CDYL: variants seen among roughly 807,000 people sequenced by gnomAD.
The protein encoded by CDYL is chromodomain Y-like protein.
In CDYL, 8 loss-of-function variants were observed where a neutral mutation model predicts 47.3. That is an observed-to-expected ratio of 0.17 (90% confidence interval 0.10 to 0.31). The LOEUF is 0.31. Among genes scored for constraint, CDYL ranks in the 10% least tolerant of loss-of-function variants. The pLI is 1.00. For synonymous variants in CDYL, 266 were observed against 265.0 expected (o/e 1.00, Z -0.04); for missense variants, 471 against 701.4 (o/e 0.67, Z 3.71).
intron 1 of CDYL, 46 bp downstream of exon 1, chr6:4,776,853 C>G (rs1758470796): frequency 1.3e-6 from 1 of 758,060 alleles, no homozygotes. Context: ...GCCCGCCGCC[C>G]CTCCCGGCCC....
chr6:4,895,041 CTATA>C (rs1021134116), intron 2 of CDYL, among the ~76,000 whole-genome samples: 23 of 149,034 alleles, frequency 1.5e-4, no homozygotes, highest in Admixed American at 4.7e-4. Flanking sequence ...ATATATGTAT[CTATA>C]TACACATGTA....
intron 2 of CDYL, among the ~76,000 whole-genome samples, chr6:4,893,883 C>T (rs1022137577): frequency 1.3e-5 from 2 of 152,222 alleles, no homozygotes; most frequent in African/African-American, 4.8e-5. Flanking sequence ...GTTTTCTCCT[C>T]GGCCCAGGCC....
chr6:4,800,855 T>C (rs1274779603), intron 1 of CDYL, among the ~76,000 whole-genome samples: 1 of 152,210 alleles, frequency 6.6e-6, no homozygotes, highest in Non-Finnish European at 1.5e-5. Flanking sequence ...CTGGCTGCTT[T>C]CAAGATTTTG....
In CDYL at chr6:4,883,466, C is replaced by T. The variant is rs529531413; in HGVS notation, c.25-8247C>T. ...CAGAAGCAGCAGGGGATGGTGCCAG[C>T]GCCTGCACCTGCCACACAGAACACC... On this transcript the variant is annotated intron_variant, in intron 1 of 6. Coordinates refer to ENST00000397588, the MANE Select transcript of CDYL (RefSeq NM_004824.4). Among the ~76,000 whole-genome samples the T allele has an allele frequency of 9.2e-5, 14 of 152,308 alleles. No homozygotes were observed. In the East Asian group the frequency reaches 1.7e-3, roughly 19 times the overall value.
intron 1 of CDYL, among the ~76,000 whole-genome samples, chr6:4,787,075 CT>C (rs1234150956): frequency 1.3e-5 from 2 of 152,228 alleles, no homozygotes; most frequent in Non-Finnish European, 2.9e-5. Flanking sequence ...TCTCAACTGT[CT>C]TACACCCCAG....
intron 1 of CDYL, among the ~76,000 whole-genome samples, chr6:4,828,197 C>G (rs1013207883): frequency 6.9e-6 from 1 of 145,610 alleles, no homozygotes; most frequent in Non-Finnish European, 1.5e-5. Flanking sequence ...CCCTCAGTTT[C>G]AACGTTAGTT....
At chr6:4,841,577 T>G (rs1169222081) in intron 1 of CDYL, among the ~76,000 whole-genome samples, 1 of 152,132 alleles carries the variant, frequency 6.6e-6, no homozygotes, top group Non-Finnish European at 1.5e-5. Context: ...TCCCAGAAGT[T>G]TTGCTAGGTT....
At chr6:4,915,353 G>C (rs1757527097) in intron 2 of CDYL, among the ~76,000 whole-genome samples, 1 of 152,170 alleles carries the variant, frequency 6.6e-6, no homozygotes, top group Non-Finnish European at 1.5e-5. Context: ...TTGGGTGTTT[G>C]ATAAACTTAT....
intron 3 of CDYL, among the ~76,000 whole-genome samples, chr6:4,739,813 C>G (rs1757764780): frequency 1.3e-5 from 2 of 151,866 alleles, no homozygotes; most frequent in Admixed American, 1.3e-4. Flanking sequence ...ATTAGCTGGG[C>G]ATGGTGGCGC....
At chr6:4,872,667 A>G (rs1761508571) in intron 1 of CDYL, among the ~76,000 whole-genome samples, 1 of 152,212 alleles carries the variant, frequency 6.6e-6, no homozygotes, top group African/African-American at 2.4e-5. Context: ...GGCATGAGCC[A>G]CCATGCCCAG....
chr6:4,813,193 T>G (rs1759576417), intron 1 of CDYL, among the ~76,000 whole-genome samples: 1 of 152,226 alleles, frequency 6.6e-6, no homozygotes, highest in South Asian at 2.1e-4. Flanking sequence ...CATTTTCTCA[T>G]CTGGTGTAGG....
intron 1 of CDYL, among the ~76,000 whole-genome samples, chr6:4,783,209 A>C (rs2127431225): frequency 6.7e-6 from 1 of 148,204 alleles, no homozygotes; most frequent in South Asian, 2.1e-4. Context: ...TATCCTTTAG[A>C]GATTTCTTTA....
intron 1 of CDYL, among the ~76,000 whole-genome samples, chr6:4,844,534 G>A (rs1402073184): frequency 6.6e-6 from 1 of 152,186 alleles, no homozygotes; most frequent in Admixed American, 6.5e-5. Flanking sequence ...CTGTCCGTCC[G>A]AGTGGGAGCT....
chr6:4,777,967 G>C (rs1758515048), intron 1 of CDYL, among the ~76,000 whole-genome samples: 1 of 152,208 alleles, frequency 6.6e-6, no homozygotes, highest in Admixed American at 6.5e-5. Context: ...GTATACCTTA[G>C]CTGGTACTGA....
At chr6:4,944,915 G>A (rs1022923299) in intron 5 of CDYL, among the ~76,000 whole-genome samples, 13 of 152,144 alleles carry the variant, frequency 8.5e-5, no homozygotes, top group African/African-American at 2.2e-4. Flanking sequence ...CACAGCCTTC[G>A]TCGCTGCGTG....
intron 1 of CDYL, among the ~76,000 whole-genome samples, chr6:4,786,144 T>C (rs1758750144): frequency 6.6e-6 from 1 of 152,198 alleles, no homozygotes; most frequent in Non-Finnish European, 1.5e-5. Flanking sequence ...GGAATTCTCC[T>C]AAGGAGGTGG....
intron 1 of CDYL, among the ~76,000 whole-genome samples, chr6:4,866,986 A>G (rs551248040): frequency 2.6e-5 from 4 of 152,274 alleles, no homozygotes; most frequent in Non-Finnish European, 5.9e-5. Flanking sequence ...GAAAAGCTTC[A>G]AATTTCTGTC....
At chr6:4,844,560 C>T (rs937196036) in intron 1 of CDYL, among the ~76,000 whole-genome samples, 1 of 152,196 alleles carries the variant, frequency 6.6e-6, no homozygotes, top group Non-Finnish European at 1.5e-5. Context: ...TTAGTCCTGC[C>T]TTTCTGTCTG....
At chr6:4,746,340 G>A (rs1003908053) in intron 3 of CDYL, among the ~76,000 whole-genome samples, 1 of 149,938 alleles carries the variant, frequency 6.7e-6, no homozygotes, top group African/African-American at 2.5e-5. Context: ...CTTCAGCCTG[G>A]GTGACAGAGC....
Sources: gnomAD v4.1 joint callset for allele counts (sites outside exome capture counted in the v4.1 genomes callset) on GRCh38, gnomAD v4.1.1 for gene constraint, MANE v1.5 for transcripts, NCBI Gene and HGNC (gene_info 2026-07-23, HGNC 2026-07-21) for gene names.